The following FHIP2A variants were observed in gnomAD, a reference collection of about 807,000 sequenced individuals.
The protein encoded by FHIP2A is family with sequence similarity 160 member B1.
FHIP2A carries 46 observed loss-of-function variants against 93.5 expected under a neutral mutation model. The ratio of observed to expected loss-of-function variants is 0.49; its 90% CI spans 0.39 to 0.63. FHIP2A has a LOEUF of 0.63. FHIP2A is among the 20% of genes least tolerant of loss of function. FHIP2A has a pLI of 0.00. For synonymous variants in FHIP2A, 332 were observed against 326.5 expected, an observed-to-expected ratio of 1.02 and a Z score of -0.18; for missense variants, 769 against 909.7, an observed-to-expected ratio of 0.85 and a Z score of 1.99.
At chr10:114,839,567 A>G (rs1318465184) in intron 5 of FHIP2A, among the ~76,000 whole-genome samples, 1 of 152,140 alleles carries the variant, frequency 6.6e-6, no homozygotes, top group Non-Finnish European at 1.5e-5. Flanking sequence ...TTAAATATAT[A>G]TGGTAGATGA....
chr10:114,847,300 A>G (rs1426357970), intron 12 of FHIP2A, 67 bp downstream of exon 12: 90 of 1,425,540 alleles, frequency 6.3e-5, no homozygotes, highest in Non-Finnish European at 8.1e-5. Context: ...TAGTATTATT[A>G]TTTTTTGAGA....
Position 114,885,758 on chromosome 10 carries a change from AT to A in FHIP2A, c.2193-13727del, listed in dbSNP as rs371019458. On this transcript the variant is annotated intron_variant, in intron 16 of 16. Transcript: ENST00000369250. Reference sequence around the variant, plus strand: ...GCTCCTGCAGGAATAATCATCTCTCATTTTTCTCTTCTGTGGCTGTGGGTAT... The same window carrying A: ...GCTCCTGCAGGAATAATCATCTCTCATTTTCTCTTCTGTGGCTGTGGGTAT... 2.4e-4 allele frequency among the ~76,000 whole-genome samples: 36 copies of A among 152,104 alleles called. No individual in the cohort carries two copies. In the South Asian group the frequency reaches 7.1e-3, roughly 30 times the overall value.
At chr10:114,842,909 T>C in intron 5 of FHIP2A, 24 bp from the exon 6 acceptor site, 1 of 1,479,464 alleles carries the variant, frequency 6.8e-7, no homozygotes, top group Non-Finnish European at 9.2e-7. Flanking sequence ...ATGTGAATTT[T>C]ATAAAACATA....
intron 13 of FHIP2A, among the ~76,000 whole-genome samples, chr10:114,854,646 C>G (rs2083756560): frequency 1.3e-5 from 2 of 152,158 alleles, no homozygotes; most frequent in South Asian, 4.2e-4. Context: ...TGCTTTTTGT[C>G]CTCATCTCAT....
At chr10:114,847,443 G>A (rs1318531044) in intron 12 of FHIP2A, among the ~76,000 whole-genome samples, 3 of 151,202 alleles carry the variant, frequency 2.0e-5, no homozygotes, top group Non-Finnish European at 4.4e-5. Context: ...CTCCTGCCAC[G>A]TCACCCAGCT....
intron 16 of FHIP2A, among the ~76,000 whole-genome samples, chr10:114,886,471 T>A (rs942623896): frequency 8.5e-5 from 13 of 152,192 alleles, no homozygotes; most frequent in African/African-American, 2.7e-4. Context: ...GCCTTAGATG[T>A]TAACGCGTGC....
intron 1 of FHIP2A, among the ~76,000 whole-genome samples, chr10:114,823,740 C>G (rs1280413289): frequency 6.6e-6 from 1 of 151,498 alleles, no homozygotes; most frequent in African/African-American, 2.4e-5. Context: ...CTCAAGTGAT[C>G]GCCCGCCTTG....
chr10:114,883,665 T>G (rs2083927748), intron 16 of FHIP2A, among the ~76,000 whole-genome samples: 1 of 152,178 alleles, frequency 6.6e-6, no homozygotes, highest in Non-Finnish European at 1.5e-5. Flanking sequence ...CACTGCAACC[T>G]CCGCCTCCCA....
rs1452992327 is a variant in FHIP2A at position 114,821,989 on chromosome 10, C to G, written c.-90C>G. 1 of 817,716 alleles carries G rather than the reference C, an allele frequency of 1.2e-6. No individual in the cohort carries two copies. The highest frequency in any genetic ancestry group is 1.7e-6 in the Non-Finnish European group (1 of 605,970). The allele number at this position is 817,716 out of a possible 1,614,324, so 50.7% of individuals were successfully genotyped here. On this transcript the variant is annotated 5_prime_UTR_variant, in exon 1 of 17. Coordinates refer to ENST00000369248, the MANE Select transcript of FHIP2A (RefSeq NM_020940.4). ...CCCCGCACCGGCCTTCACTCTGGAG[C>G]GGCCCCGGCAGCCGCAGCAGGGGCG... is the stretch of plus-strand genomic sequence containing the variant.
At position 114,843,777 on chromosome 10, in the gene FHIP2A, A is replaced by C; in HGVS notation, c.853A>C (p.Met285Leu). 6.3e-7 allele frequency: 1 copy of C among 1,576,156 alleles called. No individual in the cohort carries two copies. Among genetic ancestry groups the C allele is most frequent in the South Asian group, 1.2e-5 (1 of 83,952 alleles). The change falls in exon 7 of 17, where the codon ATG becomes CTG. Residue 285 changes from methionine (M) to leucine (L), a missense_variant. Coordinates refer to ENST00000369248, the MANE Select transcript of FHIP2A (RefSeq NM_020940.4). ...RIAVKACEGLMLLVSLPEPAA... is the reference protein window; with the variant it reads ...RIAVKACEGLLLLVSLPEPAA... ...AGCTGTGAAGGCATGTGAAGGCTTG[A>C]TGCTGTTAGTAAGTTTGCCAGAGCC...
chr10:114,843,947 G>A lies in FHIP2A; in HGVS notation c.1013+10G>A, dbSNP rs1305300006. On this transcript the variant is annotated intron_variant, in intron 7 of 16. Coordinates refer to ENST00000369248, the MANE Select transcript of FHIP2A (RefSeq NM_020940.4). ...AAGCAATTAACTGGGGGTAAGCACCGTTACTTGTATTTTCCCATAAAGGTG... is the reference window on the plus strand; with the variant it reads ...AAGCAATTAACTGGGGGTAAGCACCATTACTTGTATTTTCCCATAAAGGTG... 7.2e-6 allele frequency: 11 copies of A among 1,538,260 alleles called. No homozygotes were observed. Among genetic ancestry groups the A allele is most frequent in the Non-Finnish European group, 8.7e-6 (10 of 1,149,514 alleles).
Position 114,861,703 on chromosome 10 carries a change from G to A in FHIP2A, c.*163G>A, listed in dbSNP as rs2083800960. ...AACCTATTGAGTGGACATTCTTGGT[G>A]AAATGTTGTATAATGTTGTTTTCAT... On this transcript the variant is annotated 3_prime_UTR_variant, in exon 17 of 17. Coordinates refer to ENST00000369248, the MANE Select transcript of FHIP2A (RefSeq NM_020940.4). 1 of 1,406,002 alleles carries A rather than the reference G, an allele frequency of 7.1e-7. No individual in the cohort carries two copies. The highest frequency in any genetic ancestry group is 9.2e-7 in the Non-Finnish European group (1 of 1,083,612). The allele number at this position is 1,406,002 out of a possible 1,614,324, so 87.1% of individuals were successfully genotyped here. A position where few individuals can be genotyped will look rare whatever the true frequency, so the allele number is the denominator to read the frequency against.
Position 114,835,564 on chromosome 10 carries a change from T to C in FHIP2A, c.322T>C (p.Leu108=), listed in dbSNP as rs1360718567. 2 of 1,613,336 alleles carry C rather than the reference T, an allele frequency of 1.2e-6. No individual in the cohort carries two copies. The highest frequency in any genetic ancestry group is 1.1e-5 in the South Asian group (1 of 91,030). ...DCPPGMKQQV[L]VFYTKLLGRI... ...TCCTCCGGGAATGAAACAGCAGGTT[T>C]TGGTTTTCTATACGAAACTTCTGGG... The change falls in exon 4 of 17, where the codon TTG becomes CTG. Residue 108 remains leucine, a synonymous_variant. Transcript: ENST00000369248.
chr10:114,828,225 G>A (rs534988393), intron 1 of FHIP2A, among the ~76,000 whole-genome samples: 3 of 152,166 alleles, frequency 2.0e-5, no homozygotes, highest in Middle Eastern at 6.8e-3. Context: ...ACTCCTGGAG[G>A]GAGGTATTCA....
intron 16 of FHIP2A, among the ~76,000 whole-genome samples, chr10:114,880,398 G>C (rs2083910899): frequency 1.3e-5 from 2 of 152,294 alleles, no homozygotes; most frequent in South Asian, 4.1e-4. Context: ...AAACCCTTCA[G>C]GCTGGGTGCA....
chr10:114,851,033 C>A (rs1207829641), intron 13 of FHIP2A, among the ~76,000 whole-genome samples: 1 of 152,270 alleles, frequency 6.6e-6, no homozygotes. Flanking sequence ...CCTGCCTCAG[C>A]CTCCCGAGTA....
At chr10:114,858,169 A>G (rs1334765783) in intron 14 of FHIP2A, among the ~76,000 whole-genome samples, 1 of 152,194 alleles carries the variant, frequency 6.6e-6, no homozygotes, top group East Asian at 1.9e-4. Context: ...AAATAAAGGG[A>G]CCTCAAGTAA....
At chr10:114,839,666 C>T (rs897637320) in intron 5 of FHIP2A, among the ~76,000 whole-genome samples, 2 of 151,770 alleles carry the variant, frequency 1.3e-5, no homozygotes, top group Non-Finnish European at 2.9e-5. Flanking sequence ...ATCATAAGGT[C>T]AGGAGATCAA....
Position 114,855,191 on chromosome 10 carries a change from C to G in FHIP2A, c.1804-6C>G, listed in dbSNP as rs1278856137. On this transcript the variant is annotated splice_polypyrimidine_tract_variant and splice_region_variant and intron_variant, in intron 13 of 16. Coordinates refer to ENST00000369248, the MANE Select transcript of FHIP2A (RefSeq NM_020940.4). ...TTTAATGATTCACATGCTTTTTTCCCCCTAGTTCCGAGACTACTGTGCTAT... is the reference window on the plus strand; with the variant it reads ...TTTAATGATTCACATGCTTTTTTCCGCCTAGTTCCGAGACTACTGTGCTAT... The G allele has an allele frequency of 6.3e-7, 1 of 1,599,674 alleles. No homozygotes were observed. The highest frequency in any genetic ancestry group is 8.5e-7 in the Non-Finnish European group (1 of 1,173,654).
Sources: allele counts gnomAD v4.1 joint callset (sites outside exome capture counted in the v4.1 genomes callset), GRCh38; gene constraint gnomAD v4.1.1; transcripts MANE v1.5; gene names NCBI Gene and HGNC (gene_info 2026-07-23, HGNC 2026-07-21).